The following ANKRD31 variants were observed in gnomAD, a reference collection of about 807,000 sequenced individuals.
ANKRD31 encodes ankyrin repeat domain 31.
A neutral mutation model predicts 186.0 loss-of-function variants in ANKRD31; 147 were observed. The observed-to-expected ratio is 0.79, with a 90% confidence interval of 0.69 to 0.91. ANKRD31 has a LOEUF of 0.91. Among genes scored for constraint, ANKRD31 ranks in the 40% least tolerant of loss-of-function variants. The pLI is 0.00. For missense variants in ANKRD31, 1,986 were observed against 2,148.8 expected (o/e 0.92, Z 1.50); for synonymous variants, 673 against 736.4 (o/e 0.91, Z 1.39).
chr5:75,229,879 A>AC (rs1255581027), intron 2 of ANKRD31, among the ~76,000 whole-genome samples: 4 of 87,372 alleles, frequency 4.6e-5, no homozygotes, highest in Non-Finnish European at 5.8e-5. Context: ...AAAAAAAAAA[A>AC]AAAAAAAACA....
chr5:75,104,472 C>T lies in ANKRD31; in HGVS notation c.5087G>A (p.Gly1696Glu), dbSNP rs1253286335. Residue 1696 changes from glycine to glutamate, a missense_variant, in exon 22 of 26, where the codon GGG becomes GAG. Gly to Glu is a moderately conservative substitution (Grantham distance 98, BLOSUM62 -2). Coordinates refer to ENST00000506364, the MANE Select transcript of ANKRD31 (RefSeq NM_001372053.1). The part of the protein sequence containing the change: ...TGASESLAHQ[G>E]IAVLGSDTVH... ...TGTATCACTGCCTAAGACAGCAATC[C>T]CTTGATGTGCCAGAGATTCTGATGC... is the stretch of plus-strand genomic sequence containing the variant. 1.3e-6 allele frequency: 2 copies of T among 1,537,114 alleles called. No individual in the cohort carries two copies. The highest frequency in any genetic ancestry group is 2.0e-5 in the Admixed American group (1 of 50,992).
intron 25 of ANKRD31, 22 bp downstream of exon 25, chr5:75,080,546 G>A (rs1403231011): frequency 6.8e-7 from 1 of 1,462,256 alleles, no homozygotes; most frequent in Non-Finnish European, 9.2e-7. Flanking sequence ...AAATGGAATT[G>A]AATATTTTCT....
rs538947800 is a variant in ANKRD31, at chr5:75,140,959, C to G, written c.3596-1976G>C. Among the ~76,000 whole-genome samples the G allele has an allele frequency of 9.9e-4, 150 of 152,272 alleles. 1 individual carries two copies. Among genetic ancestry groups the G allele is most frequent in the Non-Finnish European group, 1.4e-3 (94 of 68,016 alleles). ...CAACTAAGCCATGCCTGATTCCTGACCTACAGAAAGTATGAGACAATAAGT... is the reference window on the plus strand; with the variant it reads ...CAACTAAGCCATGCCTGATTCCTGAGCTACAGAAAGTATGAGACAATAAGT... On this transcript the variant is annotated intron_variant, in intron 15 of 25. Coordinates refer to ENST00000506364, the MANE Select transcript of ANKRD31 (RefSeq NM_001372053.1).
chr5:75,071,497 GT>G (rs368634855), intron 25 of ANKRD31, among the ~76,000 whole-genome samples: 60 of 131,400 alleles, frequency 4.6e-4, no homozygotes, highest in Non-Finnish European at 4.6e-4. Flanking sequence ...AAGCTGTTTT[GT>G]TTTTTTTTTT....
chr5:75,222,521 G>T (rs750086828), intron 2 of ANKRD31, among the ~76,000 whole-genome samples, 163 bp from the exon 3 acceptor site: 16 of 151,168 alleles, frequency 1.1e-4, no homozygotes, highest in Non-Finnish European at 2.1e-4. Flanking sequence ...TGTGCAGAAC[G>T]TGCAGGTTTG....
chr5:75,228,301 G>A (rs1309549072), intron 2 of ANKRD31, among the ~76,000 whole-genome samples: 1 of 152,090 alleles, frequency 6.6e-6, no homozygotes, highest in African/African-American at 2.4e-5. Flanking sequence ...AAAAATCCTT[G>A]CATGCCTTGT....
At chr5:75,101,547 C>T (rs941567301) in intron 22 of ANKRD31, among the ~76,000 whole-genome samples, 5 of 152,122 alleles carry the variant, frequency 3.3e-5, no homozygotes, top group East Asian at 1.9e-4. Flanking sequence ...TTCTCCCTCC[C>T]GTCACTTTCA....
intron 11 of ANKRD31, among the ~76,000 whole-genome samples, chr5:75,166,408 T>A (rs1752924640): frequency 1.3e-5 from 2 of 152,012 alleles, no homozygotes; most frequent in Non-Finnish European, 2.9e-5. Context: ...GAGGCAGAGG[T>A]GGCAGTGAAC....
intron 5 of ANKRD31, among the ~76,000 whole-genome samples, chr5:75,204,768 G>T (rs899898271): frequency 6.6e-6 from 1 of 150,470 alleles, no homozygotes; most frequent in Non-Finnish European, 1.5e-5. Context: ...CTTTTTCCAG[G>T]ACTCCTTGAC....
At chr5:75,077,552 G>A (rs1229985132) in intron 25 of ANKRD31, among the ~76,000 whole-genome samples, 17 of 105,342 alleles carry the variant, frequency 1.6e-4, no homozygotes, top group Admixed American at 5.0e-4. Context: ...TGGGTCTGAG[G>A]TACTTGATTT....
chr5:75,186,070 A>G (rs1754691816), intron 10 of ANKRD31, among the ~76,000 whole-genome samples: 1 of 152,214 alleles, frequency 6.6e-6, no homozygotes, highest in South Asian at 2.1e-4. Flanking sequence ...GATTACAGAA[A>G]GAAATCAAAT....
At chr5:75,181,153 A>G (rs975211453) in intron 10 of ANKRD31, among the ~76,000 whole-genome samples, 5 of 152,230 alleles carry the variant, frequency 3.3e-5, no homozygotes, top group African/African-American at 1.2e-4. Context: ...ATCACTGGCC[A>G]TCAGAGAAAT....
At chr5:75,178,772 A>G (rs1454113137) in intron 10 of ANKRD31, among the ~76,000 whole-genome samples, 1 of 152,228 alleles carries the variant, frequency 6.6e-6, no homozygotes, top group Non-Finnish European at 1.5e-5. Context: ...AATGCCCACA[A>G]GAGAAAGCAG....
intron 19 of ANKRD31, among the ~76,000 whole-genome samples, chr5:75,114,571 C>T (rs1243417984): frequency 3.3e-5 from 5 of 151,940 alleles, no homozygotes; most frequent in Non-Finnish European, 1.5e-5. Context: ...TCTAGATATA[C>T]AATCAACGTA....
At chr5:75,235,863 A>G (rs899580901) in intron 1 of ANKRD31, among the ~76,000 whole-genome samples, 5 of 152,176 alleles carry the variant, frequency 3.3e-5, no homozygotes, top group African/African-American at 7.2e-5. Context: ...CTAACACTCA[A>G]AGAAACCTGT....
chr5:75,104,885 A>G lies in ANKRD31; in HGVS notation c.4674T>C (p.Cys1558=). ...TWNYSQNTNI[C]LNSEAVRRGE... is the part of the protein sequence containing the mutation. ...CCCTTCTCACTGCCTCTGAATTTAGACAAATGTTGGTATTTTGGCTGTAGT... is the reference window on the plus strand; with the variant it reads ...CCCTTCTCACTGCCTCTGAATTTAGGCAAATGTTGGTATTTTGGCTGTAGT... Residue 1558 remains cysteine (C), a synonymous_variant, in exon 22 of 26, where the codon TGT becomes TGC. Coordinates refer to ENST00000506364, the MANE Select transcript of ANKRD31 (RefSeq NM_001372053.1). 6.5e-7 allele frequency: 1 copy of G among 1,537,198 alleles called. No homozygotes were observed. The highest frequency in any genetic ancestry group is 8.7e-7 in the Non-Finnish European group (1 of 1,146,892).
intron 10 of ANKRD31, among the ~76,000 whole-genome samples, chr5:75,177,756 C>G (rs1753928609): frequency 6.6e-6 from 1 of 152,168 alleles, no homozygotes; most frequent in Admixed American, 6.5e-5. Flanking sequence ...AAAGGAACAA[C>G]TGGTACCAGC....
chr5:75,194,538 T>C (rs1755328961), intron 7 of ANKRD31, among the ~76,000 whole-genome samples: 1 of 152,134 alleles, frequency 6.6e-6, no homozygotes, highest in South Asian at 2.1e-4. Flanking sequence ...CAGCATTTTG[T>C]TACATAAATC....
intron 3 of ANKRD31, among the ~76,000 whole-genome samples, chr5:75,220,041 A>G (rs766955653): frequency 3.9e-5 from 6 of 152,226 alleles, no homozygotes; most frequent in Admixed American, 2.6e-4. Flanking sequence ...GAAACCCTGA[A>G]AGATAACCTA....
Sources: allele counts gnomAD v4.1 joint callset (sites outside exome capture counted in the v4.1 genomes callset), GRCh38; gene constraint gnomAD v4.1.1; transcripts MANE v1.5; gene names NCBI Gene and HGNC (gene_info 2026-07-23, HGNC 2026-07-21).